The following PPP1R12B variants were observed in gnomAD, a reference collection of about 807,000 sequenced individuals.
PPP1R12B encodes protein phosphatase 1 regulatory subunit 12B.
In PPP1R12B, 76 loss-of-function variants were observed where a neutral mutation model predicts 126.1. That is an observed-to-expected ratio of 0.60 (90% CI 0.50 to 0.73). The LOEUF is 0.73. Among genes scored for constraint, PPP1R12B ranks in the 30% least tolerant of loss-of-function variants. The probability of loss-of-function intolerance (pLI) is 0.00; values close to 1 mark genes in which losing one functional copy is unlikely to be tolerated. For missense variants in PPP1R12B, 1,052 were observed against 1,205.1 expected (o/e 0.87, Z 1.88); for synonymous variants, 356 against 434.7 (o/e 0.82, Z 2.25).
chr1:202,473,667 T>A (rs1676234901), intron 13 of PPP1R12B, among the ~76,000 whole-genome samples: 1 of 152,270 alleles, frequency 6.6e-6, no homozygotes, highest in Non-Finnish European at 1.5e-5. Context: ...TGGAATGTTA[T>A]TTTGGGAACT....
At chr1:202,354,374 C>T (rs937656409) in intron 1 of PPP1R12B, among the ~76,000 whole-genome samples, 1 of 152,096 alleles carries the variant, frequency 6.6e-6, no homozygotes, top group Non-Finnish European at 1.5e-5. Flanking sequence ...AGTTTGAGAC[C>T]AGCGTGGGCA....
chr1:202,425,596 A>C lies in PPP1R12B; in HGVS notation c.572A>C (p.Glu191Ala). The change falls in exon 4 of 24, where the codon GAA becomes GCA. Residue 191 changes from glutamate (E) to alanine (A), a missense_variant. Physicochemically the swap from Glu to Ala is moderately radical, Grantham distance 107. Coordinates refer to ENST00000608999, the MANE Select transcript of PPP1R12B (RefSeq NM_002481.4). The part of the protein sequence containing the change: ...GVDLEQSRKE[E>A]EQQMLQDARQ... ...GATCTAGAGCAGTCAAGAAAAGAAG[A>C]AGAGCAGCAGATGTTGCAGGATGCC... is the stretch of plus-strand genomic sequence containing the variant. 1.9e-6 allele frequency: 3 copies of C among 1,613,996 alleles called. No individual in the cohort carries two copies. The highest frequency in any genetic ancestry group is 2.5e-6 in the Non-Finnish European group (3 of 1,179,864).
Position 202,582,539 on chromosome 1 carries a change from A to T in PPP1R12B, c.*1979A>T, listed in dbSNP as rs1314207394. 1 of 152,578 alleles carries T rather than the reference A, an allele frequency of 6.6e-6. No homozygotes were observed. The highest frequency in any genetic ancestry group is 1.5e-5 in the Non-Finnish European group (1 of 68,050). The allele number at this position is 152,578 out of a possible 1,614,324, so 9.5% of individuals were successfully genotyped here. ...TTCCTAACATGACATGTAGCTCTCC[A>T]TGGTCCTCCCTCTGAAACACCACAT... is the stretch of plus-strand genomic sequence containing the variant. On this transcript the variant is annotated 3_prime_UTR_variant, in exon 24 of 24. Transcript: ENST00000608999.
intron 3 of PPP1R12B, among the ~76,000 whole-genome samples, chr1:202,423,552 A>C (rs1669100258): frequency 6.6e-6 from 1 of 152,254 alleles, no homozygotes; most frequent in Non-Finnish European, 1.5e-5. Context: ...GATGAACCAC[A>C]AACCTGAAAA....
At chr1:202,381,406 G>GTATGTGTGTGTGTGTA (rs796804138) in intron 1 of PPP1R12B, among the ~76,000 whole-genome samples, 1 of 136,376 alleles carries the variant, frequency 7.3e-6, no homozygotes, top group Non-Finnish European at 1.6e-5. Context: ...GGGTGTGTGT[G>GTATGTGTGTGTGTGTA]TGTGTGTGTG....
chr1:202,588,597 G>GGC lies in PPP1R12B; in HGVS notation c.*8037_*8038insGC, dbSNP rs1350717708. ...ACTGTCTCCACAGTTCAGAGCATGG[G>GGC]ATTTCTAGAATCTCACATCTGGGGC... On this transcript the variant is annotated 3_prime_UTR_variant, in exon 24 of 24. Coordinates refer to ENST00000608999, the MANE Select transcript of PPP1R12B (RefSeq NM_002481.4). 1.3e-5 allele frequency: 2 copies of GGC among 152,510 alleles called. No individual in the cohort carries two copies. Among genetic ancestry groups the GGC allele is most frequent in the African/African-American group, 2.4e-5 (1 of 41,402 alleles). 9.4% of individuals were successfully genotyped at this position (152,510 alleles called of 1,614,324 possible).
intron 23 of PPP1R12B, 79 bp from the exon 24 acceptor site, chr1:202,580,395 G>A: frequency 1.8e-6 from 2 of 1,096,518 alleles, no homozygotes; most frequent in Admixed American, 3.4e-5. Flanking sequence ...CTGCTCACCA[G>A]GCTGGCCTGG....
rs551965639 is a variant in PPP1R12B, at chr1:202,386,210, G to A, written c.292-30577G>A. Among the ~76,000 whole-genome samples the A allele has an allele frequency of 3.0e-4, 45 of 152,200 alleles. 1 individual carries two copies. Among genetic ancestry groups the A allele is most frequent in the Non-Finnish European group, 4.3e-4 (29 of 68,024 alleles). ...CCCAAAGTACTGGGATTACAGGCGT[G>A]AGCCACCGCACCCAGCCACTCAAGA... On this transcript the variant is annotated intron_variant, in intron 1 of 23. Coordinates refer to ENST00000608999, the MANE Select transcript of PPP1R12B (RefSeq NM_002481.4).
At chr1:202,390,819 A>G (rs571491800) in intron 1 of PPP1R12B, among the ~76,000 whole-genome samples, 2 of 152,300 alleles carry the variant, frequency 1.3e-5, no homozygotes, top group Non-Finnish European at 2.9e-5. Context: ...AATACTTGAC[A>G]CTATCGAGAA....
intron 13 of PPP1R12B, among the ~76,000 whole-genome samples, chr1:202,451,018 GC>G (rs2148722297): frequency 6.6e-6 from 1 of 151,910 alleles, no homozygotes; most frequent in East Asian, 1.9e-4. Context: ...TTATTTGTGT[GC>G]TGTTTAATTT....
intron 11 of PPP1R12B, among the ~76,000 whole-genome samples, chr1:202,442,129 G>A (rs1368527796): frequency 2.0e-5 from 3 of 152,198 alleles, no homozygotes; most frequent in Non-Finnish European, 4.4e-5. Flanking sequence ...AATTATAGAT[G>A]TGAGTCACTA....
chr1:202,574,820 A>G (rs993013919), intron 23 of PPP1R12B: 3 of 541,396 alleles, frequency 5.5e-6, no homozygotes, highest in Admixed American at 6.3e-5. Flanking sequence ...TTTCTCCATC[A>G]TCCTTCCACC....
intron 1 of PPP1R12B, among the ~76,000 whole-genome samples, chr1:202,378,049 A>G (rs1359867493): frequency 1.3e-5 from 2 of 151,538 alleles, no homozygotes; most frequent in African/African-American, 2.4e-5. Context: ...CGTGTTAGCC[A>G]GGATGATCTC....
intron 8 of PPP1R12B, 39 bp from the exon 9 acceptor site, chr1:202,434,612 ATTTTT>A (rs760220271): frequency 1.3e-6 from 2 of 1,579,006 alleles, no homozygotes; most frequent in Admixed American, 4.1e-5. Flanking sequence ...CAAAGATAAG[ATTTTT>A]ATACTAGTAC....
intron 18 of PPP1R12B, among the ~76,000 whole-genome samples, chr1:202,513,266 G>A (rs1357362707): frequency 6.6e-6 from 1 of 152,066 alleles, no homozygotes; most frequent in African/African-American, 2.4e-5. Context: ...GAGCCACTAT[G>A]CCCAGCCTGT....
At position 202,449,220 on chromosome 1, in the gene PPP1R12B, C is replaced by T. The variant is rs138766479; in HGVS notation, c.1850+49C>T. On this transcript the variant is annotated intron_variant, in intron 13 of 23. Coordinates refer to ENST00000608999, the MANE Select transcript of PPP1R12B (RefSeq NM_002481.4). ...TTGTGGGGCTCTGCTTTGAGGTAGA[C>T]GATAAAGGAATGGGCATAAAGTGTT... is the stretch of plus-strand genomic sequence containing the variant. 924 of 1,538,668 alleles carry T rather than the reference C, an allele frequency of 6.0e-4. 2 individuals carry two copies. The East Asian group carries it at 9.0e-3, about 15-fold the overall frequency.
rs1187464603 is a variant in PPP1R12B, at chr1:202,445,875, C to G, written c.1668-3114C>G. Among the ~76,000 whole-genome samples, 5 of 151,918 alleles carry G rather than the reference C, an allele frequency of 3.3e-5. No individual in the cohort carries two copies. The East Asian group carries it at 9.7e-4, about 29-fold the overall frequency. ...GTAGTTTTAACTGTGGCTTTTAATC[C>G]TTTATGTGTGCTGGCAAAGGGTCTC... On this transcript the variant is annotated intron_variant, in intron 12 of 23. Coordinates refer to ENST00000608999, the MANE Select transcript of PPP1R12B (RefSeq NM_002481.4).
At position 202,375,611 on chromosome 1, in the gene PPP1R12B, T is replaced by A. The variant is rs183426187; in HGVS notation, c.291+26469T>A. The stretch of plus-strand genomic sequence containing the variant: ...TTTTTAAGAGATAGGGTTCTCACTA[T>A]GTTGTGCAGTGGTGTAATCATAGCT... On this transcript the variant is annotated intron_variant, in intron 1 of 23. Coordinates refer to ENST00000608999, the MANE Select transcript of PPP1R12B (RefSeq NM_002481.4). 1.7e-4 allele frequency among the ~76,000 whole-genome samples: 26 copies of A among 152,360 alleles called. 1 individual carries two copies. Among genetic ancestry groups the A allele is most frequent in the Non-Finnish European group, 2.9e-4 (20 of 68,040 alleles).
chr1:202,531,683 C>T (rs1468484618), intron 18 of PPP1R12B, among the ~76,000 whole-genome samples: 1 of 152,168 alleles, frequency 6.6e-6, no homozygotes, highest in African/African-American at 2.4e-5. Flanking sequence ...TGACTCATCA[C>T]CTTCTTGCCT....
Sources: gnomAD v4.1 joint callset for allele counts (sites outside exome capture counted in the v4.1 genomes callset) on GRCh38, gnomAD v4.1.1 for gene constraint, MANE v1.5 for transcripts, NCBI Gene and HGNC (gene_info 2026-07-23, HGNC 2026-07-21) for gene names.